NTM: variants seen among roughly 807,000 people sequenced by gnomAD.
NTM encodes IgLON family member 2.
A neutral mutation model predicts 42.1 loss-of-function variants in NTM; 13 were observed. The observed-to-expected ratio is 0.31, with a 90% CI of 0.20 to 0.49. The LOEUF (loss-of-function observed/expected upper bound fraction) is 0.49. Ranked by LOEUF, NTM falls within the 20% of genes least tolerant of loss-of-function variation. NTM has a pLI of 0.99. For missense variants in NTM, 373 were observed against 452.8 expected (o/e 0.82, Z 1.60); for synonymous variants, 187 against 179.2 (o/e 1.04, Z -0.35).
At chr11:131,573,992 C>T (rs1360281361) in intron 1 of NTM, among the ~76,000 whole-genome samples, 1 of 152,146 alleles carries the variant, frequency 6.6e-6, no homozygotes, top group African/African-American at 2.4e-5. Flanking sequence ...GGCCTGCAGG[C>T]TCTTTTCCTT....
chr11:131,376,228 T>A (rs982989742), intron 1 of NTM, among the ~76,000 whole-genome samples: 27 of 152,222 alleles, frequency 1.8e-4, no homozygotes, highest in African/African-American at 6.5e-4. Flanking sequence ...GGGATCCTAT[T>A]AATTACAGAG....
At chr11:131,495,853 A>G (rs1290151560) in intron 1 of NTM, among the ~76,000 whole-genome samples, 1 of 152,228 alleles carries the variant, frequency 6.6e-6, no homozygotes, top group Non-Finnish European at 1.5e-5. Context: ...AATGTGCACA[A>G]TGATACATTT....
intron 2 of NTM, among the ~76,000 whole-genome samples, chr11:131,934,111 A>G (rs1244817194): frequency 1.3e-5 from 2 of 152,164 alleles, no homozygotes; most frequent in African/African-American, 4.8e-5. Context: ...TATAGTTACC[A>G]TGTGCACGGG....
At chr11:131,535,922 A>G (rs2052117176) in intron 1 of NTM, 1 of 152,256 alleles carries the variant, frequency 6.6e-6, no homozygotes, top group Admixed American at 6.5e-5. Context: ...CCGTGGAAGA[A>G]CTGCTAAGAG....
intron 3 of NTM, among the ~76,000 whole-genome samples, chr11:132,150,960 C>T (rs559602843): frequency 2.2e-4 from 33 of 152,226 alleles, no homozygotes; most frequent in Middle Eastern, 3.4e-3. Flanking sequence ...AAATACCACC[C>T]GTGGATTTGC....
chr11:131,494,121 G>A (rs1955085616), intron 1 of NTM, among the ~76,000 whole-genome samples: 1 of 152,044 alleles, frequency 6.6e-6, no homozygotes, highest in South Asian at 2.1e-4. Context: ...TATCCTTTAA[G>A]GTTATACTCT....
intron 1 of NTM, among the ~76,000 whole-genome samples, chr11:131,380,829 G>A (rs1591510407): frequency 6.6e-6 from 1 of 152,120 alleles, no homozygotes; most frequent in Non-Finnish European, 1.5e-5. Flanking sequence ...CTTCCTTATC[G>A]TTTGCCTGAG....
intron 2 of NTM, among the ~76,000 whole-genome samples, chr11:132,126,009 G>A (rs2065776844): frequency 6.6e-6 from 1 of 151,986 alleles, no homozygotes; most frequent in African/African-American, 2.4e-5. Context: ...GCGCAGCCCA[G>A]CAAAGGTGGA....
chr11:131,668,468 G>A (rs1213682335), intron 1 of NTM, among the ~76,000 whole-genome samples: 2 of 152,130 alleles, frequency 1.3e-5, no homozygotes, highest in Non-Finnish European at 2.9e-5. Flanking sequence ...TTGTAGCTTT[G>A]AGTGGAGAAA....
intron 1 of NTM, among the ~76,000 whole-genome samples, chr11:131,833,628 C>T (rs2043101709): frequency 1.3e-5 from 2 of 152,118 alleles, no homozygotes; most frequent in African/African-American, 4.8e-5. Context: ...GAAGTCTTTT[C>T]AAATAGTATT....
rs201972974 is a variant in NTM, at chr11:131,385,735, TA to T, written c.82+14848del. Among the ~76,000 whole-genome samples the T allele has an allele frequency of 1.4e-3, 209 of 152,292 alleles. 4 individuals are homozygous for T. The East Asian group carries it at 0.033, about 24-fold the overall frequency. ...ATCCAGGCGCAGAGGTGCACACCTG[TA>T]GTCCCATCTACTCAGGGGGCTGAAG... On this transcript the variant is annotated intron_variant, in intron 1 of 8. Coordinates refer to ENST00000683400, the MANE Select transcript of NTM (RefSeq NM_001352005.2).
At chr11:131,622,399 T>C (rs187366465) in intron 1 of NTM, among the ~76,000 whole-genome samples, 98 of 152,356 alleles carry the variant, frequency 6.4e-4, no homozygotes, top group African/African-American at 2.3e-3. Context: ...GGCTCCACAG[T>C]TCAGGGACAG....
chr11:132,168,729 A>G (rs1375197403), intron 3 of NTM, among the ~76,000 whole-genome samples: 1 of 152,150 alleles, frequency 6.6e-6, no homozygotes, highest in African/African-American at 2.4e-5. Context: ...GGCTTTTAGA[A>G]CTGATTTTCA....
chr11:131,497,531 A>G (rs758551760), intron 1 of NTM, among the ~76,000 whole-genome samples: 1 of 152,072 alleles, frequency 6.6e-6, no homozygotes, highest in Non-Finnish European at 1.5e-5. Flanking sequence ...AGTCTACATG[A>G]TGTGTGGTGC....
At chr11:132,254,866 G>C (rs1022318328) in intron 4 of NTM, among the ~76,000 whole-genome samples, 11 of 152,154 alleles carry the variant, frequency 7.2e-5, no homozygotes, top group African/African-American at 2.7e-4. Flanking sequence ...ATTTCTTCTT[G>C]TGGGGGCTGT....
chr11:131,444,747 A>G (rs749975666), intron 1 of NTM, among the ~76,000 whole-genome samples: 5 of 152,172 alleles, frequency 3.3e-5, no homozygotes, highest in Non-Finnish European at 7.3e-5. Flanking sequence ...ATACAGAAAG[A>G]GTGGAGAAGT....
intron 2 of NTM, among the ~76,000 whole-genome samples, chr11:132,070,140 C>CAAGT (rs1288548551): frequency 1.4e-5 from 2 of 143,356 alleles, no homozygotes; most frequent in Non-Finnish European, 1.5e-5. Context: ...GTCACACAGC[C>CAAGT]AAGTTAACAC....
chr11:131,709,172 A>G (rs758461539), intron 1 of NTM, among the ~76,000 whole-genome samples: 4 of 152,106 alleles, frequency 2.6e-5, no homozygotes, highest in African/African-American at 4.8e-5. Flanking sequence ...TAATAAGAGT[A>G]AGGTGGGGAG....
At chr11:132,258,370 G>T (rs1237884518) in intron 4 of NTM, among the ~76,000 whole-genome samples, 1 of 152,052 alleles carries the variant, frequency 6.6e-6, no homozygotes, top group South Asian at 2.1e-4. Flanking sequence ...TTGGACGATG[G>T]CTTAAATGGA....
Sources: gnomAD v4.1 joint callset for allele counts (sites outside exome capture counted in the v4.1 genomes callset) on GRCh38, gnomAD v4.1.1 for gene constraint, MANE v1.5 for transcripts, NCBI Gene and HGNC (gene_info 2026-07-23, HGNC 2026-07-21) for gene names.